SCAPER: variants seen among roughly 807,000 people sequenced by gnomAD.
SCAPER encodes S-phase cyclin A associated protein in the ER, also known as S phase cyclin A-associated protein in the endoplasmic reticulum.
In SCAPER, 98 loss-of-function variants were observed where a neutral mutation model predicts 182.2. The ratio of observed to expected loss-of-function variants is 0.54; its 90% confidence interval spans 0.46 to 0.64. The LOEUF is 0.64. SCAPER is among the 30% of genes least tolerant of loss of function. SCAPER has a pLI of 0.00. For synonymous variants in SCAPER, 605 were observed against 564.6 expected (o/e 1.07, Z -1.01); for missense variants, 1,432 against 1,690.0 (o/e 0.85, Z 2.68).
chr15:76,749,029 T>C (rs1025523492), intron 15 of SCAPER, among the ~76,000 whole-genome samples: 4 of 151,958 alleles, frequency 2.6e-5, no homozygotes, highest in Admixed American at 1.3e-4. Context: ...AAAGCCAGCA[T>C]ATCCTGTTAC....
At chr15:76,483,394 AC>A (rs2143018831) in intron 24 of SCAPER, among the ~76,000 whole-genome samples, 1 of 152,218 alleles carries the variant, frequency 6.6e-6, no homozygotes, top group East Asian at 1.9e-4. Flanking sequence ...AAACCTTAAA[AC>A]TTCTAGAGAA....
At chr15:76,501,262 TA>T (rs2041088447) in intron 24 of SCAPER, among the ~76,000 whole-genome samples, 1 of 146,374 alleles carries the variant, frequency 6.8e-6, no homozygotes, top group South Asian at 2.2e-4. Context: ...CTGGTTCTGA[TA>T]AGAGCAAAAC....
At position 76,764,657 on chromosome 15, in the gene SCAPER, T is replaced by C. The variant is rs143667062; in HGVS notation, c.1725+304A>G. Among the ~76,000 whole-genome samples, 22 of 152,282 alleles carry C rather than the reference T, an allele frequency of 1.4e-4. No individual in the cohort carries two copies. In the East Asian group the frequency reaches 1.7e-3, roughly 12 times the overall value. ...CAAACTGATAGTCTTAGGCTCCAAA[T>C]TGTCCTACCAGGTCATTCTACACTT... On this transcript the variant is annotated intron_variant, in intron 14 of 31. Transcript: ENST00000563290.
At chr15:76,435,247 A>G (rs1389311074) in intron 25 of SCAPER, among the ~76,000 whole-genome samples, 1 of 152,232 alleles carries the variant, frequency 6.6e-6, no homozygotes, top group Non-Finnish European at 1.5e-5. Flanking sequence ...AAACAGCACT[A>G]TCGACTGCAT....
intron 24 of SCAPER, among the ~76,000 whole-genome samples, chr15:76,494,744 T>A (rs1350572754): frequency 2.6e-5 from 4 of 152,036 alleles, no homozygotes; most frequent in Non-Finnish European, 4.4e-5. Flanking sequence ...GAATATCTTA[T>A]TGATTGATAA....
intron 25 of SCAPER, among the ~76,000 whole-genome samples, chr15:76,458,685 G>A (rs2048927713): frequency 6.6e-6 from 1 of 152,098 alleles, no homozygotes; most frequent in African/African-American, 2.4e-5. Context: ...TTCACGACCT[G>A]TCTTCCAGCT....
rs879251172 is a variant in SCAPER at position 76,348,509 on chromosome 15, C to A, written c.*124G>T. On this transcript the variant is annotated 3_prime_UTR_variant, in exon 32 of 32. Transcript: ENST00000563290. Reference sequence around the variant, plus strand: ...ATTATAAATAGTGTAAAGTACATGCCATATCTACAGTGTGGGAAGAGTATA... The same window carrying A: ...ATTATAAATAGTGTAAAGTACATGCAATATCTACAGTGTGGGAAGAGTATA... 3 of 602,610 alleles carry A rather than the reference C, an allele frequency of 5.0e-6. No individual in the cohort carries two copies. Among genetic ancestry groups the A allele is most frequent in the South Asian group, 5.2e-5 (2 of 38,560 alleles). 37.3% of individuals were successfully genotyped at this position (602,610 alleles called of 1,614,324 possible).
chr15:76,534,169 T>C (rs559352988), intron 23 of SCAPER, among the ~76,000 whole-genome samples: 3 of 152,308 alleles, frequency 2.0e-5, no homozygotes, highest in Admixed American at 1.3e-4. Context: ...TTTCTGACAG[T>C]CTCTACAATG....
At chr15:76,475,822 T>G (rs2050584640) in intron 24 of SCAPER, among the ~76,000 whole-genome samples, 1 of 152,124 alleles carries the variant, frequency 6.6e-6, no homozygotes, top group Non-Finnish European at 1.5e-5. Context: ...CAGTGAAAAC[T>G]AATGAGCTAA....
intron 29 of SCAPER, among the ~76,000 whole-genome samples, chr15:76,361,628 A>G (rs991034609): frequency 2.6e-5 from 4 of 152,246 alleles, no homozygotes; most frequent in African/African-American, 9.6e-5. Context: ...TGACATTAGT[A>G]AGTGAAGGCG....
intron 23 of SCAPER, among the ~76,000 whole-genome samples, chr15:76,510,605 T>C (rs1384117906): frequency 6.6e-6 from 1 of 152,180 alleles, no homozygotes; most frequent in African/African-American, 2.4e-5. Flanking sequence ...GTGGATGCAG[T>C]GAAAAGGGAA....
chr15:76,558,792 T>G (rs2046376423), intron 23 of SCAPER, among the ~76,000 whole-genome samples: 1 of 152,042 alleles, frequency 6.6e-6, no homozygotes, highest in Non-Finnish European at 1.5e-5. Context: ...CACGGTGGAC[T>G]GGATAAAGAA....
intron 22 of SCAPER, among the ~76,000 whole-genome samples, chr15:76,574,600 C>G (rs1219554386): frequency 6.6e-6 from 1 of 152,096 alleles, no homozygotes; most frequent in Admixed American, 6.6e-5. Flanking sequence ...GGGAGAAGGC[C>G]AGAGGATGAG....
At chr15:76,821,095 T>C (rs1486863905) in intron 5 of SCAPER, among the ~76,000 whole-genome samples, 1 of 152,182 alleles carries the variant, frequency 6.6e-6, no homozygotes, top group Non-Finnish European at 1.5e-5. Flanking sequence ...AACGTTCTCT[T>C]ACCATGTGAT....
chr15:76,398,190 A>T (rs1465647406), intron 27 of SCAPER, among the ~76,000 whole-genome samples: 1 of 152,244 alleles, frequency 6.6e-6, no homozygotes, highest in Non-Finnish European at 1.5e-5. Context: ...TCTAAAAAAC[A>T]GCTAATCCCC....
chr15:76,375,408 A>G (rs1369616109), intron 29 of SCAPER, among the ~76,000 whole-genome samples: 1 of 152,088 alleles, frequency 6.6e-6, no homozygotes, highest in African/African-American at 2.4e-5. Context: ...GAAGGCTCTA[A>G]GCACCTAGGC....
At chr15:76,804,310 C>G (rs1273859614) in intron 6 of SCAPER, among the ~76,000 whole-genome samples, 3 of 152,138 alleles carry the variant, frequency 2.0e-5, no homozygotes, top group African/African-American at 7.2e-5. Flanking sequence ...GTGTCACATT[C>G]AAAAATTAAA....
At position 76,572,425 on chromosome 15, in the gene SCAPER, T is replaced by A. The variant is rs560669497; in HGVS notation, c.2838+1733A>T. 2.0e-5 allele frequency among the ~76,000 whole-genome samples: 3 copies of A among 152,352 alleles called. No homozygotes were observed. The East Asian group carries it at 5.8e-4, about 29-fold the overall frequency. The stretch of plus-strand genomic sequence containing the variant: ...AGTACTAGTTTCTGAACCTCTGATA[T>A]CCTGAAAGGGATGTGTTACACACAA... On this transcript the variant is annotated intron_variant, in intron 23 of 31. Transcript: ENST00000563290.
chr15:76,365,314 C>A (rs942316810), intron 29 of SCAPER, among the ~76,000 whole-genome samples: 2 of 152,212 alleles, frequency 1.3e-5, no homozygotes, highest in Non-Finnish European at 2.9e-5. Context: ...GGATGAAAAG[C>A]TAACAATACT....
Sources: gnomAD v4.1 joint callset for allele counts (sites outside exome capture counted in the v4.1 genomes callset) on GRCh38, gnomAD v4.1.1 for gene constraint, MANE v1.5 for transcripts, NCBI Gene and HGNC (gene_info 2026-07-23, HGNC 2026-07-21) for gene names.